SLC39A11: variants seen among roughly 807,000 people sequenced by gnomAD.
The protein encoded by SLC39A11 is solute carrier family 39 member 11.
In SLC39A11, 33 loss-of-function variants were observed where a neutral mutation model predicts 36.1. The ratio of observed to expected loss-of-function variants is 0.91; its 90% confidence interval spans 0.69 to 1.22. The LOEUF (loss-of-function observed/expected upper bound fraction) is 1.22. Ranked by LOEUF, SLC39A11 falls within the 50% of genes most tolerant of loss-of-function variation. The pLI is 0.00. For synonymous variants in SLC39A11, 166 were observed against 170.3 expected (o/e 0.97, Z 0.20); for missense variants, 432 against 430.3 (o/e 1.00, Z -0.03).
At chr17:72,947,709 G>A (rs781254763) in intron 5 of SLC39A11, 43 bp downstream of exon 5, 1 of 1,612,486 alleles carries the variant, frequency 6.2e-7, no homozygotes, top group South Asian at 1.1e-5. Context: ...ACTCAGCTCA[G>A]TGTCTGCAGC....
intron 4 of SLC39A11, among the ~76,000 whole-genome samples, chr17:73,008,805 G>A (rs949505196): frequency 3.3e-5 from 5 of 152,146 alleles, no homozygotes; most frequent in Non-Finnish European, 5.9e-5. Flanking sequence ...TGTAATCCCA[G>A]CACTTTGGGA....
intron 6 of SLC39A11, among the ~76,000 whole-genome samples, chr17:72,814,230 A>G (rs1231458801): frequency 2.0e-5 from 3 of 152,220 alleles, no homozygotes; most frequent in Non-Finnish European, 4.4e-5. Flanking sequence ...GAGTATTTCT[A>G]TCACTGCAGA....
At chr17:72,953,873 T>A (rs2086051534) in intron 4 of SLC39A11, among the ~76,000 whole-genome samples, 1 of 152,190 alleles carries the variant, frequency 6.6e-6, no homozygotes, top group Admixed American at 6.5e-5. Context: ...GTGATGATTG[T>A]CAGCGTCTGG....
intron 4 of SLC39A11, among the ~76,000 whole-genome samples, chr17:73,005,578 A>G (rs1163078693): frequency 6.6e-6 from 1 of 152,184 alleles, no homozygotes; most frequent in African/African-American, 2.4e-5. Flanking sequence ...CTATATGCAG[A>G]GGCTCTGCCC....
chr17:72,735,118 G>T lies in SLC39A11; in HGVS notation c.671+1532C>A, dbSNP rs557216764. ...TTTTCACCATAAGCATCATTTTAAT[G>T]AATGACTTGGGAGTCTGAGAGGCAG... On this transcript the variant is annotated intron_variant, in intron 7 of 9. Transcript: ENST00000255559. Among the ~76,000 whole-genome samples the T allele has an allele frequency of 5.9e-5, 9 of 152,296 alleles. 1 individual carries two copies. The South Asian group carries it at 1.9e-3, about 32-fold the overall frequency.
chr17:73,045,980 T>C (rs984703597), intron 3 of SLC39A11, among the ~76,000 whole-genome samples: 2 of 152,174 alleles, frequency 1.3e-5, no homozygotes, highest in Non-Finnish European at 1.5e-5. Context: ...AACCCCAGCA[T>C]CACCACTCAC....
intron 4 of SLC39A11, among the ~76,000 whole-genome samples, chr17:72,960,300 CATAG>C (rs941157809): frequency 9.9e-5 from 15 of 152,154 alleles, no homozygotes; most frequent in Non-Finnish European, 2.1e-4. Flanking sequence ...TAGCATTCAT[CATAG>C]ATAGATAGAT....
At chr17:72,874,894 G>T (rs1025246122) in intron 5 of SLC39A11, among the ~76,000 whole-genome samples, 1 of 152,130 alleles carries the variant, frequency 6.6e-6, no homozygotes, top group South Asian at 2.1e-4. Context: ...GTCATTCCTC[G>T]TTCTTTCCCA....
chr17:72,702,253 T>G (rs1217286088), intron 7 of SLC39A11, among the ~76,000 whole-genome samples: 1 of 152,198 alleles, frequency 6.6e-6, no homozygotes, highest in Non-Finnish European at 1.5e-5. Context: ...AGGCTACTGT[T>G]TTTTTCTTTA....
At chr17:73,091,653 C>T (rs1011370538) in intron 1 of SLC39A11, among the ~76,000 whole-genome samples, 1 of 152,112 alleles carries the variant, frequency 6.6e-6, no homozygotes, top group African/African-American at 2.4e-5. Flanking sequence ...ACCGGCAGAC[C>T]AGTAACAACT....
intron 7 of SLC39A11, among the ~76,000 whole-genome samples, chr17:72,722,106 T>C (rs376014292): frequency 4.0e-5 from 6 of 151,716 alleles, no homozygotes; most frequent in African/African-American, 1.2e-4. Flanking sequence ...TCCAAAGGAA[T>C]TCAGTATCTT....
At chr17:72,940,844 C>G (rs139599316) in intron 5 of SLC39A11, among the ~76,000 whole-genome samples, 24 of 152,318 alleles carry the variant, frequency 1.6e-4, no homozygotes, top group African/African-American at 5.8e-4. Context: ...TCCCCCGCTT[C>G]AAATTTCTAT....
intron 4 of SLC39A11, among the ~76,000 whole-genome samples, chr17:72,969,365 G>C (rs953516856): frequency 6.6e-6 from 1 of 151,864 alleles, no homozygotes; most frequent in Admixed American, 6.6e-5. Context: ...AGAGGAGAGA[G>C]GGAAAAAGGG....
intron 6 of SLC39A11, among the ~76,000 whole-genome samples, chr17:72,743,674 G>A (rs1210423743): frequency 6.6e-6 from 1 of 152,152 alleles, no homozygotes; most frequent in African/African-American, 2.4e-5. Flanking sequence ...CGTTAGTTAT[G>A]CATGCAGAAG....
intron 4 of SLC39A11, among the ~76,000 whole-genome samples, chr17:72,962,285 G>A (rs140093240): frequency 2.6e-5 from 4 of 152,180 alleles, no homozygotes; most frequent in East Asian, 1.9e-4. Context: ...TTTCACCACC[G>A]TTTCCATGGG....
At chr17:72,707,505 A>G (rs763882950) in intron 7 of SLC39A11, among the ~76,000 whole-genome samples, 5 of 152,240 alleles carry the variant, frequency 3.3e-5, no homozygotes, top group Non-Finnish European at 7.3e-5. Context: ...GAATATGTAT[A>G]CATGTATAGG....
chr17:73,067,568 G>A (rs753399023), intron 3 of SLC39A11, among the ~76,000 whole-genome samples: 2 of 152,014 alleles, frequency 1.3e-5, no homozygotes, highest in East Asian at 3.9e-4. Flanking sequence ...CAATGAAGAC[G>A]CTTATACAGT....
At chr17:73,068,886 A>G (rs1039231538) in intron 3 of SLC39A11, among the ~76,000 whole-genome samples, 1 of 152,102 alleles carries the variant, frequency 6.6e-6, no homozygotes, top group Admixed American at 6.6e-5. Flanking sequence ...TCTTAAAAGC[A>G]CAGCTCTGAT....
chr17:72,775,581 TG>T (rs1663409613), intron 6 of SLC39A11, among the ~76,000 whole-genome samples: 1 of 151,976 alleles, frequency 6.6e-6, no homozygotes, highest in African/African-American at 2.4e-5. Flanking sequence ...GAGACAATCT[TG>T]GGGGCAACGT....
Sources: allele counts gnomAD v4.1 joint callset (sites outside exome capture counted in the v4.1 genomes callset), GRCh38; gene constraint gnomAD v4.1.1; transcripts MANE v1.5; gene names NCBI Gene and HGNC (gene_info 2026-07-23, HGNC 2026-07-21).